Variants in MORC1 observed in about 807,000 individuals in gnomAD.
The protein encoded by MORC1 is MORC family CW-type zinc finger 1.
In MORC1, 59 loss-of-function variants were observed where a neutral mutation model predicts 134.9. The observed-to-expected ratio is 0.44, with a 90% confidence interval of 0.35 to 0.54. The LOEUF is 0.54. Ranked by LOEUF, MORC1 falls within the 20% of genes least tolerant of loss-of-function variation. The pLI, the probability that MORC1 is intolerant of heterozygous loss-of-function variation, is 0.00. For missense variants in MORC1, 947 were observed against 1,134.5 expected, an observed-to-expected ratio of 0.83 and a Z score of 2.37; for synonymous variants, 395 against 391.7, an observed-to-expected ratio of 1.01 and a Z score of -0.10.
At chr3:109,041,892 C>T (rs932830135) in intron 14 of MORC1, among the ~76,000 whole-genome samples, 9 of 151,040 alleles carry the variant, frequency 6.0e-5, no homozygotes, top group East Asian at 2.0e-4. Flanking sequence ...TGCAGTGAGC[C>T]GAGATTGTGC....
At chr3:109,071,576 A>G (rs1950317341) in intron 8 of MORC1, among the ~76,000 whole-genome samples, 1 of 152,188 alleles carries the variant, frequency 6.6e-6, no homozygotes, top group Non-Finnish European at 1.5e-5. Flanking sequence ...AAGGGAAAAA[A>G]AATAGGTGGA....
chr3:109,055,339 G>T (rs992739831), intron 13 of MORC1, among the ~76,000 whole-genome samples: 10 of 152,160 alleles, frequency 6.6e-5, no homozygotes, highest in African/African-American at 2.4e-4. Context: ...TTCTATGAAG[G>T]AATCACAGAG....
At chr3:108,960,967 T>C (rs957997543) in intron 27 of MORC1, among the ~76,000 whole-genome samples, 5 of 152,168 alleles carry the variant, frequency 3.3e-5, no homozygotes, top group African/African-American at 1.2e-4. Context: ...TTGATGGAGA[T>C]TATGTTGAGA....
At chr3:108,995,978 G>C (rs900619857) in intron 21 of MORC1, among the ~76,000 whole-genome samples, 1 of 152,146 alleles carries the variant, frequency 6.6e-6, no homozygotes, top group African/African-American at 2.4e-5. Flanking sequence ...AATTCATGTA[G>C]GGGACAGTTA....
intron 8 of MORC1, among the ~76,000 whole-genome samples, chr3:109,079,310 ACAT>A (rs771626212): frequency 3.5e-4 from 53 of 152,254 alleles, no homozygotes; most frequent in Non-Finnish European, 6.5e-4. Context: ...AGATCACTCA[ACAT>A]CATAAACTCT....
At chr3:109,097,830 T>G (rs1950855752) in intron 6 of MORC1, among the ~76,000 whole-genome samples, 1 of 152,200 alleles carries the variant, frequency 6.6e-6, no homozygotes, top group South Asian at 2.1e-4. Flanking sequence ...ATTTGAACAG[T>G]GTTTATAAAG....
At chr3:109,047,335 A>T (rs1294855026) in intron 14 of MORC1, among the ~76,000 whole-genome samples, 3 of 152,184 alleles carry the variant, frequency 2.0e-5, no homozygotes, top group Non-Finnish European at 2.9e-5. Context: ...ATTGAATTCC[A>T]GAAAGAATAA....
chr3:108,978,625 T>C (rs1576588830), intron 24 of MORC1, among the ~76,000 whole-genome samples: 1 of 152,340 alleles, frequency 6.6e-6, no homozygotes, highest in South Asian at 2.1e-4. Flanking sequence ...TAGTAGAGGC[T>C]ACAGTCCCTA....
At chr3:109,097,893 T>C (rs535907167) in intron 6 of MORC1, among the ~76,000 whole-genome samples, 7 of 152,128 alleles carry the variant, frequency 4.6e-5, no homozygotes, top group Admixed American at 1.3e-4. Context: ...AATAAAGCTA[T>C]GTTGAGGGCG....
intron 21 of MORC1, among the ~76,000 whole-genome samples, chr3:108,998,988 A>G (rs1227990430): frequency 6.6e-6 from 1 of 152,244 alleles, no homozygotes; most frequent in Non-Finnish European, 1.5e-5. Flanking sequence ...TAAGGGCTCC[A>G]TGAAAAACTC....
intron 14 of MORC1, among the ~76,000 whole-genome samples, chr3:109,039,332 T>C (rs1949456501): frequency 6.6e-6 from 1 of 152,256 alleles, no homozygotes; most frequent in Non-Finnish European, 1.5e-5. Flanking sequence ...AGTTGTATAG[T>C]TGTGGGCAAG....
intron 17 of MORC1, among the ~76,000 whole-genome samples, chr3:109,012,167 G>A (rs1333742754): frequency 6.6e-6 from 1 of 151,874 alleles, no homozygotes. Flanking sequence ...GGGATATATG[G>A]CTATCCAAAT....
chr3:109,091,351 T>C (rs1170469882), intron 8 of MORC1, among the ~76,000 whole-genome samples: 2 of 151,190 alleles, frequency 1.3e-5, no homozygotes, highest in Non-Finnish European at 3.0e-5. Flanking sequence ...GGCTGAGGGA[T>C]GAGAATCGCT....
Position 109,005,265 on chromosome 3 carries a change from A to G in MORC1, c.1818T>C (p.His606=). The G allele has an allele frequency of 6.2e-7, 1 of 1,612,522 alleles. No homozygotes were observed. Among genetic ancestry groups the G allele is most frequent in the Non-Finnish European group, 8.5e-7 (1 of 1,179,604 alleles). ...AAAGCTCAAAGGATGAAAGAGATTC[A>G]TGCTTCAAGTCATCGCCCAAAAGCC... ...KIRLLGDDLK[H]ESLSSFELSA... Residue 606 remains histidine, a synonymous_variant, in exon 19 of 28, where the codon CAT becomes CAC. Transcript: ENST00000232603.
intron 26 of MORC1, among the ~76,000 whole-genome samples, chr3:108,967,866 A>G (rs375078315): frequency 2.3e-4 from 35 of 152,274 alleles, no homozygotes; most frequent in South Asian, 4.1e-4. Flanking sequence ...TGGGCAAAAA[A>G]AAGTTGAAAA....
At chr3:108,989,608 A>G (rs544211312) in intron 21 of MORC1, among the ~76,000 whole-genome samples, 211 of 152,284 alleles carry the variant, frequency 1.4e-3, no homozygotes, top group African/African-American at 3.7e-3. Context: ...AAACTGAGTG[A>G]TATCACTTTA....
intron 3 of MORC1, among the ~76,000 whole-genome samples, chr3:109,105,275 A>AC (rs1951006160): frequency 6.6e-6 from 1 of 152,202 alleles, no homozygotes. Flanking sequence ...CTGTAATCCC[A>AC]GCACTTCGGG....
At chr3:109,071,266 C>T (rs1373435754) in intron 8 of MORC1, among the ~76,000 whole-genome samples, 1 of 152,002 alleles carries the variant, frequency 6.6e-6, no homozygotes, top group East Asian at 1.9e-4. Flanking sequence ...TAATTCAGAG[C>T]CAACTTTGAG....
intron 15 of MORC1, among the ~76,000 whole-genome samples, chr3:109,035,045 G>T (rs921375736): frequency 2.6e-4 from 39 of 152,026 alleles, no homozygotes; most frequent in Admixed American, 8.5e-4. Context: ...CACCATGCCT[G>T]GCCTGAAACT....
Sources: allele counts gnomAD v4.1 joint callset (sites outside exome capture counted in the v4.1 genomes callset), GRCh38; gene constraint gnomAD v4.1.1; transcripts MANE v1.5; gene names NCBI Gene and HGNC (gene_info 2026-07-23, HGNC 2026-07-21).